The following ANKRD30B variants were observed in gnomAD, a reference collection of about 807,000 sequenced individuals.
The protein encoded by ANKRD30B is ankyrin repeat domain-containing protein 30B.
In ANKRD30B, 144 loss-of-function variants were observed where a neutral mutation model predicts 202.2. The observed-to-expected ratio is 0.71, with a 90% CI of 0.62 to 0.82. The LOEUF is 0.82. Among genes scored for constraint, ANKRD30B ranks in the 40% least tolerant of loss-of-function variants. The pLI is 0.00. For synonymous variants in ANKRD30B, 508 were observed against 561.3 expected (o/e 0.91, Z 1.34); for missense variants, 1,487 against 1,669.1 (o/e 0.89, Z 1.90).
At chr18:14,919,822 C>T in the ANKRD30B span, among the ~76,000 whole-genome samples, 1 of 152,234 alleles carries the variant, frequency 6.6e-6, no homozygotes, top group African/African-American at 2.4e-5. Flanking sequence ...GCTCCTAAAT[C>T]AACCCTGGTA....
intron 10 of ANKRD30B, among the ~76,000 whole-genome samples, 192 bp downstream of exon 10, chr18:14,778,267 A>G (rs1051280576): frequency 1.3e-5 from 2 of 152,208 alleles, no homozygotes; most frequent in Non-Finnish European, 2.9e-5. Flanking sequence ...AAAGAGCTGA[A>G]TTATTAGTTT....
intron 22 of ANKRD30B, among the ~76,000 whole-genome samples, chr18:14,800,530 T>C (rs1486417858): frequency 6.6e-6 from 1 of 151,158 alleles, no homozygotes; most frequent in Non-Finnish European, 1.5e-5. Context: ...TTCACCATGT[T>C]AGCCAGGATG....
rs776567030 is a variant in ANKRD30B at position 14,821,330 on chromosome 18, A to AT, written c.2642-1147dup. Among the ~76,000 whole-genome samples the AT allele has an allele frequency of 5.6e-3, 844 of 151,938 alleles. 5 individuals are homozygous for AT. Among genetic ancestry groups the AT allele is most frequent in the Non-Finnish European group, 9.1e-3 (617 of 67,966 alleles). ...AAAAAACCAGCTCCTGGATTCATTA[A>AT]TTTTTTGAACGGTTTTTTGTGTCTC... On this transcript the variant is annotated intron_variant, in intron 30 of 43. Coordinates refer to ENST00000690538, the MANE Select transcript of ANKRD30B (RefSeq NM_001367607.2).
Position 14,799,265 on chromosome 18 carries a change from G to A in ANKRD30B, c.2101G>A (p.Glu701Lys), listed in dbSNP as rs1167559109. The change falls in exon 22 of 44, where the codon GAA becomes AAA. Residue 701 changes from glutamate to lysine, a missense_variant. Glu to Lys is a moderately conservative substitution (Grantham distance 56, BLOSUM62 1). Around this residue, in one of 6 missense-constraint regions of ANKRD30B, gnomAD observed 889 missense variants for 841.4 expected, o/e 1.06. Transcript: ENST00000690538. ...AGTTTCTCTTCCAAATAAAGCTTTA[G>A]AATTGAAGGACAGAGAAACATTCAA... ...RKVSLPNKAL[E>K]LKDRETFKAA... is the part of the protein sequence containing the mutation. The A allele has an allele frequency of 2.6e-6, 4 of 1,548,790 alleles. No individual in the cohort carries two copies. Among genetic ancestry groups the A allele is most frequent in the Non-Finnish European group, 3.5e-6 (4 of 1,148,788 alleles).
At chr18:14,766,288 C>T (rs566906559) in intron 7 of ANKRD30B, among the ~76,000 whole-genome samples, 2 of 151,206 alleles carry the variant, frequency 1.3e-5, no homozygotes, top group East Asian at 2.0e-4. Flanking sequence ...CTGGCTAACA[C>T]GGGTGAAACC....
intron 7 of ANKRD30B, among the ~76,000 whole-genome samples, chr18:14,766,773 T>C (rs747875105): frequency 2.1e-4 from 32 of 152,072 alleles, no homozygotes; most frequent in Non-Finnish European, 3.8e-4. Flanking sequence ...AGAAAGCCAT[T>C]GACAAAACCC....
At chr18:14,758,445 C>T (rs116803128) in intron 5 of ANKRD30B, among the ~76,000 whole-genome samples, 1,648 of 152,176 alleles carry the variant, frequency 0.011, 40 homozygotes, top group African/African-American at 0.038. Context: ...TGAAACTGCC[C>T]CTGCAGTCTG....
At position 14,804,818 on chromosome 18, in the gene ANKRD30B, T is replaced by A. The variant is rs868273769; in HGVS notation, c.2284+994T>A. ...GGAAGAATCAAGAACACAAGTCTAG[T>A]GATTACTTTTGCTAAAGAAGAGAGA... On this transcript the variant is annotated intron_variant, in intron 24 of 43. Transcript: ENST00000690538. Among the ~76,000 whole-genome samples, 10 of 150,850 alleles carry A rather than the reference T, an allele frequency of 6.6e-5. 1 individual carries two copies. The highest frequency in any genetic ancestry group is 3.9e-4 in the East Asian group (2 of 5,184).
rs566148481 is a variant in ANKRD30B, at chr18:14,805,807, G to C, written c.2284+1983G>C. On this transcript the variant is annotated intron_variant, in intron 24 of 43. Coordinates refer to ENST00000690538, the MANE Select transcript of ANKRD30B (RefSeq NM_001367607.2). The stretch of plus-strand genomic sequence containing the variant: ...ATCACTTATCTCCTCATCACTCAGC[G>C]TATACATATTGGCATTAACATTTTT... 7.3e-5 allele frequency among the ~76,000 whole-genome samples: 11 copies of C among 149,948 alleles called. 2 individuals are homozygous for C. The highest frequency in any genetic ancestry group is 2.2e-4 in the African/African-American group (9 of 40,524).
the ANKRD30B span, among the ~76,000 whole-genome samples, chr18:14,933,652 AG>A: frequency 6.6e-6 from 1 of 151,926 alleles, no homozygotes; most frequent in African/African-American, 2.4e-5. Context: ...CAGTGCTGGG[AG>A]ATATGCGTGC....
intron 4 of ANKRD30B, among the ~76,000 whole-genome samples, 195 bp downstream of exon 4, chr18:14,755,200 A>G (rs1419001436): frequency 6.6e-6 from 1 of 152,134 alleles, no homozygotes; most frequent in Non-Finnish European, 1.5e-5. Context: ...AGTAGGACTT[A>G]TCTTCTCTTA....
At chr18:14,751,864 AT>A (rs57763322) in intron 1 of ANKRD30B, among the ~76,000 whole-genome samples, 79,299 of 151,474 alleles carry the variant, frequency 0.52, 21,043 homozygotes, top group East Asian at 0.7. Context: ...TATATACCGT[AT>A]TCCACTTCTT....
the ANKRD30B span, among the ~76,000 whole-genome samples, chr18:14,934,622 G>A: frequency 6.6e-6 from 1 of 152,174 alleles, no homozygotes; most frequent in Non-Finnish European, 1.5e-5. Flanking sequence ...GAGAGGCTGT[G>A]GTGGAGTTGG....
intron 16 of ANKRD30B, among the ~76,000 whole-genome samples, chr18:14,793,795 G>C (rs1271871336): frequency 6.6e-6 from 1 of 151,842 alleles, no homozygotes; most frequent in Non-Finnish European, 1.5e-5. Flanking sequence ...TCAGGAGGTT[G>C]AGGCAGGAGA....
rs1971216433 is a variant in ANKRD30B, at chr18:14,837,214, G to A, written c.2851G>A (p.Gly951Arg). 1.3e-6 allele frequency: 2 copies of A among 1,542,016 alleles called. No homozygotes were observed. The highest frequency in any genetic ancestry group is 1.8e-6 in the Non-Finnish European group (2 of 1,141,990). Residue 951 changes from glycine (G) to arginine (R), a missense_variant, in exon 35 of 44, where the codon GGA (glycine) becomes AGA (arginine). By Grantham distance (125) the Gly-to-Arg change is moderately radical. Around this residue, in one of 6 missense-constraint regions of ANKRD30B, gnomAD observed 218 missense variants for 320.1 expected, o/e 0.68. Coordinates refer to ENST00000690538, the MANE Select transcript of ANKRD30B (RefSeq NM_001367607.2). ...EEDFNLTTKE[G>R]ATKTVTGQQE... ...TTCTGTGTTTTGTTTGTAATAGGAGGGAGCAACAAAGACAGTAACTGGACA... is the reference window on the plus strand; with the variant it reads ...TTCTGTGTTTTGTTTGTAATAGGAGAGAGCAACAAAGACAGTAACTGGACA...
At chr18:14,939,327 G>A in the ANKRD30B span, among the ~76,000 whole-genome samples, 1 of 152,184 alleles carries the variant, frequency 6.6e-6, no homozygotes, top group African/African-American at 2.4e-5. Flanking sequence ...CAGTGTTTCT[G>A]TGAAACACCT....
chr18:14,914,435 T>C, the ANKRD30B span, among the ~76,000 whole-genome samples: 4 of 152,276 alleles, frequency 2.6e-5, no homozygotes, highest in Non-Finnish European at 5.9e-5. Flanking sequence ...TCAGATTTTT[T>C]CAAAGACCAG....
chr18:14,809,076 C>T (rs1194196816), intron 26 of ANKRD30B, among the ~76,000 whole-genome samples: 2 of 142,796 alleles, frequency 1.4e-5, no homozygotes, highest in Non-Finnish European at 3.0e-5. Context: ...GGAATCACAG[C>T]CTTGTGTTCC....
In ANKRD30B at chr18:14,792,615, C is replaced by G. The variant is rs9284402; in HGVS notation, c.1825+1124C>G. On this transcript the variant is annotated intron_variant, in intron 16 of 43. Transcript: ENST00000690538. ...ACTTCGGAAGCATTTAGAATATTTTCACTGCAGAATGTTAGAGTGTGGGTG... is the reference window on the plus strand; with the variant it reads ...ACTTCGGAAGCATTTAGAATATTTTGACTGCAGAATGTTAGAGTGTGGGTG... 1.3e-3 allele frequency among the ~76,000 whole-genome samples: 195 copies of G among 151,908 alleles called. 1 individual carries two copies. Among genetic ancestry groups the G allele is most frequent in the Middle Eastern group, 0.01 (3 of 294 alleles).
Sources: allele counts gnomAD v4.1 joint callset (sites outside exome capture counted in the v4.1 genomes callset), GRCh38; gene constraint gnomAD v4.1.1; regional missense constraint gnomAD v4.1.1; transcripts MANE v1.5; gene names NCBI Gene and HGNC (gene_info 2026-07-23, HGNC 2026-07-21).